Variants in HIVEP3 observed in about 807,000 individuals in gnomAD.
The protein encoded by HIVEP3 is transcription factor HIVEP3.
HIVEP3 carries 49 observed loss-of-function variants against 152.8 expected under a neutral mutation model. The observed-to-expected ratio is 0.32, with a 90% CI of 0.26 to 0.41. The LOEUF (loss-of-function observed/expected upper bound fraction) is 0.41. HIVEP3 is among the 10% of genes least tolerant of loss of function. The probability of loss-of-function intolerance (pLI) is 1.00; values close to 1 mark genes in which losing one functional copy is unlikely to be tolerated. For missense variants in HIVEP3, 2,790 were observed against 3,103.3 expected (o/e 0.90, Z 2.40); for synonymous variants, 1,269 against 1,289.0 (o/e 0.98, Z 0.33).
At chr1:41,890,235 G>T (rs547388665) in intron 1 of HIVEP3, among the ~76,000 whole-genome samples, 1 of 152,336 alleles carries the variant, frequency 6.6e-6, no homozygotes, top group South Asian at 2.1e-4. Flanking sequence ...CTCCTTAAGT[G>T]CTGGCTGCTT....
At chr1:41,951,089 G>T (rs1481697147) in intron 1 of HIVEP3, among the ~76,000 whole-genome samples, 1 of 152,148 alleles carries the variant, frequency 6.6e-6, no homozygotes, top group African/African-American at 2.4e-5. Context: ...ACATAGCTTT[G>T]CTTCTGTATT....
intron 1 of HIVEP3, among the ~76,000 whole-genome samples, chr1:41,912,558 T>C (rs7554964): frequency 0.56 from 85,768 of 152,052 alleles, 24,433 homozygotes; most frequent in East Asian, 0.71. Flanking sequence ...ATCTTTCCAG[T>C]GAGGTACAGC....
chr1:41,638,725 G>A (rs1032607248), intron 2 of HIVEP3, among the ~76,000 whole-genome samples: 2 of 152,226 alleles, frequency 1.3e-5, no homozygotes, highest in South Asian at 2.1e-4. Flanking sequence ...AAATCATGAG[G>A]AGGGAGGGCC....
chr1:41,741,132 C>G (rs763728462), intron 1 of HIVEP3, among the ~76,000 whole-genome samples: 1 of 152,158 alleles, frequency 6.6e-6, no homozygotes. Context: ...AAATGACTTG[C>G]CCCAGATCAC....
At chr1:41,549,097 C>T (rs1643868976) in intron 5 of HIVEP3, among the ~76,000 whole-genome samples, 1 of 145,218 alleles carries the variant, frequency 6.9e-6, no homozygotes, top group African/African-American at 2.5e-5. Context: ...TTGTTCAATT[C>T]CCACCTATGA....
At chr1:42,032,169 G>C (rs1249118812) in intron 1 of HIVEP3, among the ~76,000 whole-genome samples, 4 of 152,152 alleles carry the variant, frequency 2.6e-5, no homozygotes, top group Admixed American at 1.3e-4. Flanking sequence ...ACTCCAAACA[G>C]TCACACCCCA....
intron 5 of HIVEP3, among the ~76,000 whole-genome samples, chr1:41,550,944 GT>G (rs1643887644): frequency 6.6e-6 from 1 of 152,154 alleles, no homozygotes; most frequent in African/African-American, 2.4e-5. Flanking sequence ...GGGCATCCCT[GT>G]CTTGTGCCAG....
chr1:41,726,076 A>G (rs1186952117), intron 1 of HIVEP3, among the ~76,000 whole-genome samples: 1 of 152,234 alleles, frequency 6.6e-6, no homozygotes, highest in African/African-American at 2.4e-5. Flanking sequence ...TATAAAAACT[A>G]AATCATACAA....
At chr1:41,601,107 G>A (rs1281815690) in intron 3 of HIVEP3, among the ~76,000 whole-genome samples, 2 of 152,052 alleles carry the variant, frequency 1.3e-5, no homozygotes, top group Non-Finnish European at 2.9e-5. Flanking sequence ...TGTTTCATTG[G>A]TCTACATGTC....
intron 5 of HIVEP3, among the ~76,000 whole-genome samples, chr1:41,529,176 CCACCCT>C (rs1643145856): frequency 7.8e-6 from 1 of 127,976 alleles, no homozygotes; most frequent in Non-Finnish European, 1.7e-5. Context: ...TGCTCACACC[CCACCCT>C]CACACTCACA....
chr1:42,030,734 G>T (rs1224772829), intron 1 of HIVEP3, among the ~76,000 whole-genome samples: 2 of 152,168 alleles, frequency 1.3e-5, no homozygotes, highest in African/African-American at 2.4e-5. Context: ...TATTAGGCAG[G>T]CAATCTGTAA....
intron 1 of HIVEP3, among the ~76,000 whole-genome samples, chr1:42,004,252 A>G (rs1279857575): frequency 6.6e-6 from 1 of 152,184 alleles, no homozygotes; most frequent in Admixed American, 6.5e-5. Context: ...ACATCCATCC[A>G]CTGTAGGCAT....
chr1:41,564,019 C>A (rs563603233), intron 5 of HIVEP3, among the ~76,000 whole-genome samples: 1 of 152,230 alleles, frequency 6.6e-6, no homozygotes, highest in South Asian at 2.1e-4. Context: ...TGGTGAAACC[C>A]TGTCTCTACT....
rs1171789401 is a variant in HIVEP3, at chr1:41,664,940, C to T, written c.-721+35976G>A. 1.3e-5 allele frequency among the ~76,000 whole-genome samples: 2 copies of T among 152,192 alleles called. No homozygotes were observed. Among genetic ancestry groups the T allele is most frequent in the African/African-American group, 4.8e-5 (2 of 41,444 alleles). On this transcript the variant is annotated intron_variant, in intron 2 of 8. Coordinates refer to ENST00000372583, the MANE Select transcript of HIVEP3 (RefSeq NM_024503.5). This position sits in a 1 kb window ranked among gnomAD's most constrained non-coding sequence, Gnocchi z 4.4. ...AAGGATGAAGGAAAATGCAATTTGT[C>T]AAGCCCTTTCATTGTACCAGACACA...
Position 41,512,979 on chromosome 1 carries a change from G to A in HIVEP3, c.6242C>T (p.Pro2081Leu), listed in dbSNP as rs745708673. Reference sequence around the variant, plus strand: ...CCACTTCCCTGGCGGCGCTGACCGTGGTGGTGACTCGGCCTGACCTGGAGA... The same window carrying A: ...CCACTTCCCTGGCGGCGCTGACCGTAGTGGTGACTCGGCCTGACCTGGAGA... Reference protein sequence around the residue: ...RWSPGQAESPPRSAPPGKWAL... With the variant: ...RWSPGQAESPLRSAPPGKWAL... The change falls in exon 8 of 9, where the codon CCA becomes CTA. Residue 2081 changes from proline (P) to leucine (L), a missense_variant. Coordinates refer to ENST00000372583, the MANE Select transcript of HIVEP3 (RefSeq NM_024503.5). 11 of 1,613,030 alleles carry A rather than the reference G, an allele frequency of 6.8e-6. No individual in the cohort carries two copies. Among genetic ancestry groups the A allele is most frequent in the Non-Finnish European group, 9.3e-6 (11 of 1,179,704 alleles).
intron 5 of HIVEP3, among the ~76,000 whole-genome samples, chr1:41,573,948 CA>C (rs1164563637): frequency 6.6e-6 from 1 of 152,160 alleles, no homozygotes; most frequent in Non-Finnish European, 1.5e-5. Context: ...CCCCCTCCTT[CA>C]GCCATTGCAG....
intron 1 of HIVEP3, among the ~76,000 whole-genome samples, chr1:41,998,879 TTCTC>T (rs78057334): frequency 9.0e-6 from 1 of 110,730 alleles, no homozygotes; most frequent in African/African-American, 3.7e-5. Context: ...TTTAATACTT[TTCTC>T]TCTCTCTTTT....
In HIVEP3 at chr1:41,873,837, G is replaced by A. The variant is rs2124417028; in HGVS notation, c.-801+44576C>T. Among the ~76,000 whole-genome samples the A allele has an allele frequency of 6.6e-6, 1 of 152,326 alleles. No individual in the cohort carries two copies. The highest frequency in any genetic ancestry group is 1.5e-5 in the Non-Finnish European group (1 of 68,032). On this transcript the variant is annotated intron_variant, in intron 1 of 8. Transcript: ENST00000372583. The surrounding 1 kb of genome is among the most constrained non-coding windows in gnomAD (Gnocchi z 4.2). ...GGGATTCAAGAGACCAAACCATGGG[G>A]TCTAGGGGAAATAAGGAACCCCTCT...
intron 3 of HIVEP3, among the ~76,000 whole-genome samples, chr1:41,607,641 G>C (rs765335341): frequency 3.3e-5 from 5 of 149,514 alleles, no homozygotes; most frequent in Non-Finnish European, 3.0e-5. Flanking sequence ...CATTCTATTG[G>C]TTTGCTTCCA....
Sources: allele counts gnomAD v4.1 joint callset (sites outside exome capture counted in the v4.1 genomes callset), GRCh38; gene constraint gnomAD v4.1.1; non-coding constraint Gnocchi (gnomAD v3.1); transcripts MANE v1.5; gene names NCBI Gene and HGNC (gene_info 2026-07-23, HGNC 2026-07-21).